Variants in CDH4 observed in about 807,000 individuals in gnomAD.
CDH4 encodes cadherin-4.
Under a neutral mutation model 86.0 loss-of-function variants are expected in CDH4, and 33 were observed. The ratio of observed to expected loss-of-function variants is 0.38; its 90% CI spans 0.29 to 0.51. The LOEUF (loss-of-function observed/expected upper bound fraction) is 0.51, where lower values mean the gene tolerates loss of function less well. Ranked by LOEUF, CDH4 falls within the 20% of genes least tolerant of loss-of-function variation. CDH4 has a pLI of 0.86. For missense variants in CDH4, 1,114 were observed against 1,307.4 expected, an observed-to-expected ratio of 0.85 and a Z score of 2.28; for synonymous variants, 555 against 549.4, an observed-to-expected ratio of 1.01 and a Z score of -0.14.
chr20:61,692,284 T>C (rs2087668273), intron 2 of CDH4, among the ~76,000 whole-genome samples: 1 of 152,078 alleles, frequency 6.6e-6, no homozygotes, highest in South Asian at 2.1e-4. Flanking sequence ...TTTGTGTGTG[T>C]GTGTGTGTCT....
At chr20:61,626,255 A>C (rs1856343654) in intron 2 of CDH4, among the ~76,000 whole-genome samples, 1 of 152,066 alleles carries the variant, frequency 6.6e-6, no homozygotes, top group Non-Finnish European at 1.5e-5. Flanking sequence ...GTCAGTTTTA[A>C]ATGGGACGTC....
At chr20:61,805,136 C>T (rs1980055654) in intron 4 of CDH4, among the ~76,000 whole-genome samples, 1 of 152,198 alleles carries the variant, frequency 6.6e-6, no homozygotes, top group Non-Finnish European at 1.5e-5. Context: ...TTGATGGGCT[C>T]ATATGCCCAG....
At chr20:61,305,288 G>A (rs896281867) in intron 2 of CDH4, among the ~76,000 whole-genome samples, 2 of 152,158 alleles carry the variant, frequency 1.3e-5, no homozygotes, top group South Asian at 2.1e-4. Context: ...CGTGGCTTTC[G>A]AGATGCAGGG....
At chr20:61,385,418 C>A (rs1342375474) in intron 2 of CDH4, among the ~76,000 whole-genome samples, 1 of 151,788 alleles carries the variant, frequency 6.6e-6, no homozygotes, top group Non-Finnish European at 1.5e-5. Context: ...TGGACAAGAA[C>A]AGCTGAATTC....
intron 8 of CDH4, among the ~76,000 whole-genome samples, chr20:61,907,925 G>A (rs558706660): frequency 1.2e-4 from 18 of 152,286 alleles, no homozygotes; most frequent in African/African-American, 4.1e-4. Context: ...CACAGACAGG[G>A]CTGAGATCCC....
At chr20:61,556,333 C>T (rs1269742533) in intron 2 of CDH4, among the ~76,000 whole-genome samples, 1 of 152,038 alleles carries the variant, frequency 6.6e-6, no homozygotes, top group Non-Finnish European at 1.5e-5. Flanking sequence ...TTTTATGATT[C>T]AGAAGAAAGA....
chr20:61,762,429 C>T (rs1030587431), intron 3 of CDH4, among the ~76,000 whole-genome samples: 4 of 152,224 alleles, frequency 2.6e-5, no homozygotes, highest in Admixed American at 2.0e-4. Context: ...CTTCTGGAGA[C>T]ATTTGCCACC....
intron 2 of CDH4, among the ~76,000 whole-genome samples, chr20:61,617,078 G>A (rs1015513770): frequency 1.3e-5 from 2 of 152,310 alleles, no homozygotes; most frequent in South Asian, 4.1e-4. Context: ...GGAAGAACTG[G>A]CACTTGGTCC....
chr20:61,759,104 A>G (rs1421461581), intron 3 of CDH4, among the ~76,000 whole-genome samples: 1 of 152,168 alleles, frequency 6.6e-6, no homozygotes, highest in African/African-American at 2.4e-5. Context: ...ACACACGTCT[A>G]TATACACACT....
chr20:61,595,966 A>G (rs2086554550), intron 2 of CDH4, among the ~76,000 whole-genome samples: 1 of 152,118 alleles, frequency 6.6e-6, no homozygotes, highest in Non-Finnish European at 1.5e-5. Flanking sequence ...AGGAGGGGCC[A>G]CTCGCTCTCA....
At chr20:61,787,775 C>T (rs1461300421) in intron 4 of CDH4, among the ~76,000 whole-genome samples, 1 of 152,204 alleles carries the variant, frequency 6.6e-6, no homozygotes, top group Non-Finnish European at 1.5e-5. Flanking sequence ...GGACTGAATG[C>T]AGTGGCAGAG....
chr20:61,436,833 A>ATG (rs2085285499), intron 2 of CDH4, among the ~76,000 whole-genome samples: 1 of 152,212 alleles, frequency 6.6e-6, no homozygotes, highest in Non-Finnish European at 1.5e-5. Flanking sequence ...CCAGGGGCCA[A>ATG]CAGTGAGTCA....
At chr20:61,409,713 C>T (rs900299535) in intron 2 of CDH4, among the ~76,000 whole-genome samples, 5 of 152,282 alleles carry the variant, frequency 3.3e-5, no homozygotes, top group Non-Finnish European at 7.3e-5. Context: ...CTACACTGCA[C>T]TTTCCTGCGG....
At chr20:61,410,381 TTCATCCATCTGTCAA>T (rs1351422418) in intron 2 of CDH4, among the ~76,000 whole-genome samples, 1 of 151,926 alleles carries the variant, frequency 6.6e-6, no homozygotes, top group Non-Finnish European at 1.5e-5. Context: ...TATCCATCCA[TTCATCCATCTGTCAA>T]TCATCCATCT....
intron 2 of CDH4, among the ~76,000 whole-genome samples, chr20:61,657,901 G>C (rs1016957289): frequency 1.3e-5 from 2 of 152,190 alleles, no homozygotes; most frequent in Non-Finnish European, 2.9e-5. Flanking sequence ...GCCTGGGAAG[G>C]ACACATGTGG....
rs140599377 is a variant in CDH4, at chr20:61,674,364, G to A, written c.170-69199G>A. Among the ~76,000 whole-genome samples, 9 of 152,304 alleles carry A rather than the reference G, an allele frequency of 5.9e-5. No homozygotes were observed. The East Asian group carries it at 1.7e-3, about 29-fold the overall frequency. ...AGGGCGTCCAGACCAGGGCCCTTGT[G>A]GAAGCAGCATCAGGCTAAGGAGGGT... On this transcript the variant is annotated intron_variant, in intron 2 of 15. Transcript: ENST00000614565.
chr20:61,865,545 T>G (rs1396610110), intron 6 of CDH4, among the ~76,000 whole-genome samples: 1 of 150,332 alleles, frequency 6.7e-6, no homozygotes, highest in Non-Finnish European at 1.5e-5. Context: ...TAGTGTAGAT[T>G]ATAGCTGGCT....
chr20:61,751,124 T>G (rs1232116751), intron 3 of CDH4, among the ~76,000 whole-genome samples: 1 of 152,188 alleles, frequency 6.6e-6, no homozygotes, highest in Non-Finnish European at 1.5e-5. Context: ...GACTTAAAAT[T>G]TTTTAATGGA....
intron 3 of CDH4, among the ~76,000 whole-genome samples, chr20:61,748,597 C>T (rs1264579907): frequency 1.3e-5 from 2 of 152,124 alleles, no homozygotes; most frequent in Non-Finnish European, 2.9e-5. Flanking sequence ...CTGAAAAATA[C>T]AAATGAATCA....
Sources: gnomAD v4.1 joint callset for allele counts (sites outside exome capture counted in the v4.1 genomes callset) on GRCh38, gnomAD v4.1.1 for gene constraint, MANE v1.5 for transcripts, NCBI Gene and HGNC (gene_info 2026-07-23, HGNC 2026-07-21) for gene names.